The following ANKIB1 variants were observed in gnomAD, a reference collection of about 807,000 sequenced individuals.
ANKIB1 encodes the protein ankyrin repeat and IBR domain containing 1.
A neutral mutation model predicts 122.1 loss-of-function variants in ANKIB1; 43 were observed. The observed-to-expected ratio is 0.35, with a 90% CI of 0.28 to 0.45. The LOEUF (loss-of-function observed/expected upper bound fraction) is 0.45, where lower values mean the gene tolerates loss of function less well. Among genes scored for constraint, ANKIB1 ranks in the 20% least tolerant of loss-of-function variants. The probability of loss-of-function intolerance (pLI) is 1.00; values close to 1 mark genes in which losing one functional copy is unlikely to be tolerated. For missense variants in ANKIB1, 992 were observed against 1,329.5 expected, an observed-to-expected ratio of 0.75 and a Z score of 3.95; for synonymous variants, 390 against 442.0, an observed-to-expected ratio of 0.88 and a Z score of 1.48.
chr7:92,268,312 A>G (rs142686057), intron 1 of ANKIB1, among the ~76,000 whole-genome samples: 114 of 152,326 alleles, frequency 7.5e-4, no homozygotes, highest in African/African-American at 2.6e-3. Flanking sequence ...TAGAGAAGTG[A>G]TGGAACCGCT....
At chr7:92,307,749 T>G in intron 3 of ANKIB1, 93 bp downstream of exon 3, 1 of 1,045,174 alleles carries the variant, frequency 9.6e-7, no homozygotes, top group Non-Finnish European at 1.3e-6. Flanking sequence ...ATTGTCTTAG[T>G]AATTTGGTCA....
chr7:92,255,079 A>G (rs1443205777), intron 1 of ANKIB1, among the ~76,000 whole-genome samples: 1 of 152,178 alleles, frequency 6.6e-6, no homozygotes, highest in East Asian at 1.9e-4. Flanking sequence ...GCCTTCTGCC[A>G]TGATTGTGAG....
chr7:92,299,287 C>T (rs1802414857), intron 2 of ANKIB1, among the ~76,000 whole-genome samples: 2 of 152,052 alleles, frequency 1.3e-5, no homozygotes, highest in African/African-American at 2.4e-5. Flanking sequence ...GGAAGATCTG[C>T]GTAACTCAGT....
Position 92,307,661 on chromosome 7 carries a change from A to AT in ANKIB1, c.486+19dup, listed in dbSNP as rs59479934. On this transcript the variant is annotated splice_donor_region_variant and intron_variant, in intron 3 of 19. Transcript: ENST00000265742. The stretch of plus-strand genomic sequence containing the variant: ...GGGATGAAAGCCTGTGTAGAGGTAA[A>AT]TTTTTTTTTTTTTTAATATTCTGCA... 0.057 allele frequency: 59,888 copies of AT among 1,056,962 alleles called. 41 individuals are homozygous for AT. Among genetic ancestry groups the AT allele is most frequent in the South Asian group, 0.069 (3,648 of 53,098 alleles). 65.5% of individuals were successfully genotyped at this position (1,056,962 alleles called of 1,614,324 possible).
chr7:92,285,467 T>C (rs928701861), intron 1 of ANKIB1, among the ~76,000 whole-genome samples: 1 of 152,258 alleles, frequency 6.6e-6, no homozygotes, highest in African/African-American at 2.4e-5. Context: ...ATAAGTTATG[T>C]TAGATAATTT....
intron 1 of ANKIB1, among the ~76,000 whole-genome samples, chr7:92,259,343 G>A (rs889564857): frequency 2.6e-5 from 4 of 152,070 alleles, no homozygotes; most frequent in Non-Finnish European, 5.9e-5. Flanking sequence ...CTTTCTCCAT[G>A]GTTCTTACCA....
chr7:92,366,741 A>T (rs1241080551), intron 10 of ANKIB1, among the ~76,000 whole-genome samples: 2 of 152,180 alleles, frequency 1.3e-5, no homozygotes, highest in Non-Finnish European at 2.9e-5. Context: ...ACTTGCCCTT[A>T]ATTCACAAAT....
chr7:92,369,285 TAA>T (rs1585129560), intron 10 of ANKIB1, among the ~76,000 whole-genome samples: 2 of 152,236 alleles, frequency 1.3e-5, no homozygotes, highest in East Asian at 3.9e-4. Context: ...AGAACTGGAG[TAA>T]AGTCTGATCA....
intron 2 of ANKIB1, among the ~76,000 whole-genome samples, chr7:92,299,813 GT>G (rs35009495): frequency 6.7e-6 from 1 of 149,996 alleles, no homozygotes; most frequent in Non-Finnish European, 1.5e-5. Flanking sequence ...CAGTAATTTT[GT>G]TTTTTTTTCT....
intron 5 of ANKIB1, among the ~76,000 whole-genome samples, chr7:92,335,937 A>G (rs1301086025): frequency 1.3e-5 from 2 of 151,734 alleles, no homozygotes; most frequent in Non-Finnish European, 2.9e-5. Flanking sequence ...TCTTCTTTGC[A>G]TTTTATTCTT....
At chr7:92,334,340 C>G (rs1309666088) in intron 5 of ANKIB1, among the ~76,000 whole-genome samples, 2 of 151,996 alleles carry the variant, frequency 1.3e-5, no homozygotes, top group Admixed American at 6.6e-5. Context: ...TTCAAGAATT[C>G]CTGATTCCAA....
At chr7:92,306,248 C>G (rs866507562) in intron 2 of ANKIB1, among the ~76,000 whole-genome samples, 39 of 152,080 alleles carry the variant, frequency 2.6e-4, no homozygotes, top group African/African-American at 8.9e-4. Context: ...CTGAACTACT[C>G]TAGGTGTTGG....
intron 4 of ANKIB1, among the ~76,000 whole-genome samples, chr7:92,327,548 T>A (rs1385903756): frequency 2.0e-5 from 3 of 152,172 alleles, no homozygotes; most frequent in Non-Finnish European, 4.4e-5. Flanking sequence ...AAATAATATG[T>A]AATTAGTTGT....
chr7:92,298,818 A>G (rs1802406521), intron 2 of ANKIB1, among the ~76,000 whole-genome samples: 1 of 151,954 alleles, frequency 6.6e-6, no homozygotes, highest in African/African-American at 2.4e-5. Context: ...TCCTCGATTA[A>G]AGCAGTAAAA....
intron 3 of ANKIB1, among the ~76,000 whole-genome samples, chr7:92,317,734 G>A (rs555403128): frequency 6.6e-6 from 1 of 152,178 alleles, no homozygotes; most frequent in Non-Finnish European, 1.5e-5. Flanking sequence ...TCTTAGGACT[G>A]TAGGAGAACC....
intron 1 of ANKIB1, among the ~76,000 whole-genome samples, chr7:92,268,615 A>G (rs1383901168): frequency 2.0e-5 from 3 of 152,098 alleles, no homozygotes; most frequent in African/African-American, 7.2e-5. Flanking sequence ...AGCTGGGATT[A>G]GAGGCATGCA....
intron 17 of ANKIB1, among the ~76,000 whole-genome samples, chr7:92,394,013 C>G (rs1007332418): frequency 1.3e-5 from 2 of 152,032 alleles, no homozygotes; most frequent in Admixed American, 1.3e-4. Flanking sequence ...GTCTGGCAAG[C>G]ATAAAGGTTT....
At chr7:92,291,633 G>A (rs1378686706) in intron 1 of ANKIB1, among the ~76,000 whole-genome samples, 1 of 146,688 alleles carries the variant, frequency 6.8e-6, no homozygotes, top group Non-Finnish European at 1.5e-5. Flanking sequence ...CTGGAGCGCA[G>A]TGGCGTGATC....
At chr7:92,268,759 A>G (rs1048130061) in intron 1 of ANKIB1, among the ~76,000 whole-genome samples, 8 of 152,232 alleles carry the variant, frequency 5.3e-5, no homozygotes, top group Non-Finnish European at 1.2e-4. Flanking sequence ...TACAGCTGTG[A>G]GCCACTACAC....
Sources: allele counts gnomAD v4.1 joint callset (sites outside exome capture counted in the v4.1 genomes callset), GRCh38; gene constraint gnomAD v4.1.1; transcripts MANE v1.5; gene names NCBI Gene and HGNC (gene_info 2026-07-23, HGNC 2026-07-21).